Variants in SGCZ observed in about 807,000 individuals in gnomAD.
The protein encoded by SGCZ is sarcoglycan zeta, also known as zeta-sarcoglycan.
In SGCZ, 40 loss-of-function variants were observed where a neutral mutation model predicts 41.3. The ratio of observed to expected loss-of-function variants is 0.97; its 90% confidence interval spans 0.75 to 1.26. The LOEUF is 1.26. Ranked by LOEUF, SGCZ falls within the 50% of genes most tolerant of loss-of-function variation. SGCZ has a pLI of 0.00. For synonymous variants in SGCZ, 206 were observed against 137.5 expected (o/e 1.50, Z -3.49); for missense variants, 552 against 369.8 (o/e 1.49, Z -4.04).
chr8:14,471,719 T>C (rs1187276234), intron 2 of SGCZ, among the ~76,000 whole-genome samples: 2 of 152,040 alleles, frequency 1.3e-5, no homozygotes, highest in African/African-American at 2.4e-5. Context: ...TAAATAAAAA[T>C]AATAATTTCC....
rs1486739837 is a variant in SGCZ at position 14,902,427 on chromosome 8, G to T, written c.39+335158C>A. On this transcript the variant is annotated intron_variant, in intron 1 of 7. Coordinates refer to ENST00000382080, the MANE Select transcript of SGCZ (RefSeq NM_139167.4). Reference sequence around the variant, plus strand: ...ATGCCTCTGTCTCTCCGAAGTTTTTGCCCAAGAATTCCCTGGGCCTGAATT... The same window carrying T: ...ATGCCTCTGTCTCTCCGAAGTTTTTTCCCAAGAATTCCCTGGGCCTGAATT... 2.0e-5 allele frequency among the ~76,000 whole-genome samples: 3 copies of T among 152,118 alleles called. No homozygotes were observed. The East Asian group carries it at 5.8e-4, about 29-fold the overall frequency.
At chr8:14,757,926 G>C (rs566480038) in intron 1 of SGCZ, among the ~76,000 whole-genome samples, 1 of 152,104 alleles carries the variant, frequency 6.6e-6, no homozygotes, top group Non-Finnish European at 1.5e-5. Flanking sequence ...GTGTTAAATA[G>C]TTTCATCTTA....
chr8:14,196,480 G>C (rs778281994), intron 4 of SGCZ, among the ~76,000 whole-genome samples: 36 of 152,080 alleles, frequency 2.4e-4, no homozygotes, highest in Non-Finnish European at 4.7e-4. Context: ...AAAGAAATTG[G>C]TTATGTTTTA....
intron 1 of SGCZ, among the ~76,000 whole-genome samples, chr8:15,050,007 T>C (rs533951565): frequency 4.4e-4 from 67 of 152,296 alleles, no homozygotes; most frequent in African/African-American, 1.6e-3. Context: ...CATATCTTTA[T>C]TAGCAATGTG....
intron 1 of SGCZ, among the ~76,000 whole-genome samples, chr8:14,864,639 C>A (rs2130687860): frequency 6.6e-6 from 1 of 152,152 alleles, no homozygotes; most frequent in African/African-American, 2.4e-5. Flanking sequence ...TAACAGGTAA[C>A]ATGTACAAAA....
Position 14,090,456 on chromosome 8 carries a change from C to T in SGCZ, c.926G>A (p.Cys309Tyr). 4 of 1,612,012 alleles carry T rather than the reference C, an allele frequency of 2.5e-6. 1 individual carries two copies. The highest frequency in any genetic ancestry group is 3.4e-6 in the Non-Finnish European group (4 of 1,178,896). Residue 309 changes from cysteine to tyrosine, a missense_variant, in exon 8 of 8, where the codon TGC becomes TAC. Transcript: ENST00000382080. ...GSTCQSSSNI[C>Y]LWS ...AAATCAGTCACTTCAGCTCCACAGG[C>T]AGATGTTGCTACTGGACTGACAAGT...
intron 1 of SGCZ, among the ~76,000 whole-genome samples, chr8:14,656,807 T>C (rs941189410): frequency 5.9e-5 from 9 of 151,982 alleles, no homozygotes; most frequent in African/African-American, 2.2e-4. Context: ...TTGTGTATAC[T>C]AAGCCTTTAA....
chr8:14,600,671 G>A (rs145129019), intron 1 of SGCZ, among the ~76,000 whole-genome samples: 195 of 152,152 alleles, frequency 1.3e-3, no homozygotes, highest in South Asian at 2.5e-3. Flanking sequence ...AGCACATACC[G>A]CACTCTGATT....
chr8:14,779,418 G>C (rs1229674006), intron 1 of SGCZ, among the ~76,000 whole-genome samples: 2 of 152,044 alleles, frequency 1.3e-5, no homozygotes, highest in African/African-American at 4.8e-5. Context: ...CATCCACCAA[G>C]GCCGGTCAAG....
intron 1 of SGCZ, among the ~76,000 whole-genome samples, chr8:14,616,745 C>T (rs182498009): frequency 1.3e-5 from 2 of 152,164 alleles, no homozygotes; most frequent in African/African-American, 4.8e-5. Flanking sequence ...CAATTTAAAA[C>T]CTTGAAAATA....
At chr8:14,601,225 T>C (rs1805580085) in intron 1 of SGCZ, among the ~76,000 whole-genome samples, 1 of 152,090 alleles carries the variant, frequency 6.6e-6, no homozygotes, top group African/African-American at 2.4e-5. Flanking sequence ...GATTAAATCA[T>C]AATGTATACA....
intron 2 of SGCZ, among the ~76,000 whole-genome samples, chr8:14,390,790 G>T (rs569475964): frequency 6.6e-6 from 1 of 151,848 alleles, no homozygotes. Context: ...CAAAATATCT[G>T]GTGAGCAATA....
intron 4 of SGCZ, among the ~76,000 whole-genome samples, chr8:14,211,171 T>G (rs1420473555): frequency 6.6e-6 from 1 of 152,136 alleles, no homozygotes; most frequent in Non-Finnish European, 1.5e-5. Context: ...GCTTTGTCAG[T>G]AGAGGGCGCT....
chr8:14,110,512 A>C (rs1216364191), intron 5 of SGCZ, among the ~76,000 whole-genome samples: 1 of 152,188 alleles, frequency 6.6e-6, no homozygotes, highest in Non-Finnish European at 1.5e-5. Context: ...AAAAATAATC[A>C]TTTTTAAAGG....
rs146231172 is a variant in SGCZ at position 14,422,856 on chromosome 8, G to A, written c.235-98652C>T. On this transcript the variant is annotated intron_variant, in intron 2 of 7. Coordinates refer to ENST00000382080, the MANE Select transcript of SGCZ (RefSeq NM_139167.4). Reference sequence around the variant, plus strand: ...AGCCTGGGCAAAATAATGAGACCTCGTCTTTCTGAAAAATTTTAAAAATTA... The same window carrying A: ...AGCCTGGGCAAAATAATGAGACCTCATCTTTCTGAAAAATTTTAAAAATTA... Among the ~76,000 whole-genome samples the A allele has an allele frequency of 3.0e-4, 45 of 152,122 alleles. 1 individual carries two copies. In the Middle Eastern group the frequency reaches 0.014, roughly 46 times the overall value.
At chr8:14,748,834 T>C (rs1299232047) in intron 1 of SGCZ, among the ~76,000 whole-genome samples, 1 of 152,160 alleles carries the variant, frequency 6.6e-6, no homozygotes, top group African/African-American at 2.4e-5. Context: ...TCCTGACATG[T>C]TTTATTAATA....
intron 5 of SGCZ, among the ~76,000 whole-genome samples, chr8:14,142,295 A>G (rs970591018): frequency 2.0e-5 from 3 of 152,192 alleles, no homozygotes; most frequent in Non-Finnish European, 4.4e-5. Context: ...GTGCAGATGT[A>G]CCCTGGAACT....
At chr8:14,797,816 GC>G (rs1489560585) in intron 1 of SGCZ, among the ~76,000 whole-genome samples, 1 of 152,160 alleles carries the variant, frequency 6.6e-6, no homozygotes, top group Non-Finnish European at 1.5e-5. Context: ...CATCCCAGCT[GC>G]CCCAGCCATG....
At chr8:14,527,060 TC>T (rs1406388932) in intron 2 of SGCZ, among the ~76,000 whole-genome samples, 2 of 148,450 alleles carry the variant, frequency 1.3e-5, no homozygotes, top group Non-Finnish European at 2.9e-5. Context: ...TATAAAAAGA[TC>T]CCAGCCCTCA....
Sources: allele counts gnomAD v4.1 joint callset (sites outside exome capture counted in the v4.1 genomes callset), GRCh38; gene constraint gnomAD v4.1.1; transcripts MANE v1.5; gene names NCBI Gene and HGNC (gene_info 2026-07-23, HGNC 2026-07-21).